The following ZNF66 variants were observed in gnomAD, a reference collection of about 807,000 sequenced individuals.
The protein encoded by ZNF66 is putative zinc finger protein 66.
A neutral mutation model predicts 35.2 loss-of-function variants in ZNF66; 32 were observed. The ratio of observed to expected loss-of-function variants is 0.91; its 90% CI spans 0.69 to 1.22. The LOEUF (loss-of-function observed/expected upper bound fraction) is 1.22. Ranked by LOEUF, ZNF66 falls within the 50% of genes most tolerant of loss-of-function variation. The pLI is 0.00. For missense variants in ZNF66, 666 were observed against 543.1 expected (o/e 1.23, Z -2.25); for synonymous variants, 231 against 181.3 (o/e 1.27, Z -2.20).
intron 1 of ZNF66, among the ~76,000 whole-genome samples, chr19:20,777,933 TGAG>T (rs750204587): frequency 1.3e-5 from 2 of 152,206 alleles, no homozygotes; most frequent in Non-Finnish European, 2.9e-5. Context: ...GGTAGATAAT[TGAG>T]GAGTTACATG....
At chr19:20,787,819 A>G (rs1971301531) in intron 1 of ZNF66, among the ~76,000 whole-genome samples, 1 of 152,208 alleles carries the variant, frequency 6.6e-6, no homozygotes, top group Non-Finnish European at 1.5e-5. Flanking sequence ...CCCATGAGCT[A>G]GCAAATCAGA....
chr19:20,784,570 G>T (rs1302055864), intron 1 of ZNF66: 1 of 152,088 alleles, frequency 6.6e-6, no homozygotes, highest in Admixed American at 6.5e-5. Context: ...TCCACTATAC[G>T]AACACAATCA....
chr19:20,781,549 G>A (rs1318639640), intron 1 of ZNF66, among the ~76,000 whole-genome samples: 2 of 147,334 alleles, frequency 1.4e-5, no homozygotes, highest in Non-Finnish European at 3.0e-5. Flanking sequence ...TACTCTTGTT[G>A]CCCAGGCTGG....
At position 20,806,587 on chromosome 19, in the gene ZNF66, T is replaced by C; in HGVS notation, c.987T>C (p.Thr329=). ...CCTTCAACTGGTCCTCACACCTTAC[T>C]ACACATAAGAGAATTCATACTGGAG... ...GKAFNWSSHL[T]THKRIHTGEK... is the part of the protein sequence containing the mutation. The change falls in exon 4 of 4, where the codon ACT becomes ACC. Residue 329 remains threonine, a synonymous_variant. Coordinates refer to ENST00000344519, the MANE Select transcript of ZNF66 (RefSeq NM_001355197.2). 1 of 1,593,590 alleles carries C rather than the reference T, an allele frequency of 6.3e-7. No individual in the cohort carries two copies. The highest frequency in any genetic ancestry group is 8.6e-7 in the Non-Finnish European group (1 of 1,162,484).
chr19:20,804,510 G>A (rs936010308), intron 3 of ZNF66, among the ~76,000 whole-genome samples: 2 of 152,118 alleles, frequency 1.3e-5, no homozygotes, highest in African/African-American at 4.8e-5. Context: ...CTCTCAAAGT[G>A]CTGGGATTAC....
In ZNF66 at chr19:20,792,549, C is replaced by A; in HGVS notation, c.41C>A (p.Ser14Tyr). ...LQFRDVAIEF[S>Y]LEEWHCLDMA... ...TTTAGAGATGTGGCCATAGAATTCT[C>A]TCTGGAGGAGTGGCATTGCCTGGAC... is the stretch of plus-strand genomic sequence containing the variant. The change falls in exon 2 of 4, where the codon TCT (serine) becomes TAT (tyrosine). Residue 14 changes from serine to tyrosine, a missense_variant. Physicochemically the swap from Ser to Tyr is moderately radical, Grantham distance 144. Transcript: ENST00000344519. 6.5e-7 allele frequency: 1 copy of A among 1,530,326 alleles called. No individual in the cohort carries two copies. The highest frequency in any genetic ancestry group is 1.1e-5 in the South Asian group (1 of 88,216). 94.8% of individuals were successfully genotyped at this position (1,530,326 alleles called of 1,614,324 possible).
At chr19:20,779,612 T>TGAG (rs1172909013) in intron 1 of ZNF66, among the ~76,000 whole-genome samples, 1 of 152,128 alleles carries the variant, frequency 6.6e-6, no homozygotes, top group Non-Finnish European at 1.5e-5. Context: ...TCGGATCACC[T>TGAG]GAGGACAGGT....
At chr19:20,789,003 A>G (rs1329388890) in intron 1 of ZNF66, among the ~76,000 whole-genome samples, 3 of 152,052 alleles carry the variant, frequency 2.0e-5, no homozygotes, top group African/African-American at 4.8e-5. Context: ...GTGAGCTGAA[A>G]TGGCACCACT....
Position 20,809,148 on chromosome 19 carries a change from G to GAAAC in ZNF66, c.*1830_*1833dup, listed in dbSNP as rs555623479. Among the ~76,000 whole-genome samples, 14,023 of 151,696 alleles carry GAAAC rather than the reference G, an allele frequency of 0.092. 662 individuals carry two copies. The highest frequency in any genetic ancestry group is 0.11 in the Middle Eastern group (33 of 294). ...AAGTTTAGAGAAAAAAAATTAAAAA[G>GAAAC]AAACAAAGTCTCCAAGAAATATGGG... On this transcript the variant is annotated 3_prime_UTR_variant, in exon 4 of 4. Transcript: ENST00000344519.
At chr19:20,782,232 A>C (rs1462424182) in intron 1 of ZNF66, among the ~76,000 whole-genome samples, 3 of 152,228 alleles carry the variant, frequency 2.0e-5, no homozygotes, top group Non-Finnish European at 2.9e-5. Flanking sequence ...GGCATGGGCC[A>C]CCGCTTCTGA....
In ZNF66 at chr19:20,792,060, A is replaced by G. The variant is rs1040038000; in HGVS notation, c.4-452A>G. 5.6e-4 allele frequency among the ~76,000 whole-genome samples: 85 copies of G among 152,158 alleles called. 1 individual carries two copies. The highest frequency in any genetic ancestry group is 2.0e-3 in the African/African-American group (83 of 41,410). ...TTGACAAAATATTCTTCTTGGGCCAAAAACATTGACATTATTGGTTAGCTT... is the reference window on the plus strand; with the variant it reads ...TTGACAAAATATTCTTCTTGGGCCAGAAACATTGACATTATTGGTTAGCTT... On this transcript the variant is annotated intron_variant, in intron 1 of 3. Transcript: ENST00000344519.
chr19:20,809,885 C>G lies in ZNF66; in HGVS notation c.*2563C>G, dbSNP rs1971572378. 6.6e-6 allele frequency among the ~76,000 whole-genome samples: 1 copy of G among 152,104 alleles called. No individual in the cohort carries two copies. The highest frequency in any genetic ancestry group is 6.6e-5 in the Admixed American group (1 of 15,258). Reference sequence around the variant, plus strand: ...GCTCCAATTAAAAGACACAGACAGGCAAATTGGATAAATAGTCAAGACCCA... The same window carrying G: ...GCTCCAATTAAAAGACACAGACAGGGAAATTGGATAAATAGTCAAGACCCA... On this transcript the variant is annotated 3_prime_UTR_variant, in exon 4 of 4. Transcript: ENST00000344519.
rs1423662510 is a variant in ZNF66, at chr19:20,808,366, G to A, written c.*1044G>A. Among the ~76,000 whole-genome samples the A allele has an allele frequency of 3.9e-5, 6 of 152,334 alleles. No homozygotes were observed. Among genetic ancestry groups the A allele is most frequent in the East Asian group, 1.9e-4 (1 of 5,186 alleles). ...AAGAGAGTAGTGGTTCTCCCAGCAC[G>A]CAGCTGGAGATCTGAGAACGGGCAG... On this transcript the variant is annotated 3_prime_UTR_variant, in exon 4 of 4. Transcript: ENST00000344519.
In ZNF66 at chr19:20,806,187, C is replaced by T. The variant is rs1385455677; in HGVS notation, c.587C>T (p.Thr196Ile). The change falls in exon 4 of 4, where the codon ACT (threonine) becomes ATT (isoleucine). Residue 196 changes from threonine (T) to isoleucine (I), a missense_variant. By Grantham distance (89) the Thr-to-Ile change is moderately conservative. Coordinates refer to ENST00000344519, the MANE Select transcript of ZNF66 (RefSeq NM_001355197.2). ...TTTACTACACATAAGAAAATTCATACTGGAGAGAAACCCTATAAATGTATA... is the reference window on the plus strand; with the variant it reads ...TTTACTACACATAAGAAAATTCATATTGGAGAGAAACCCTATAAATGTATA... ...STFTTHKKIHTGEKPYKCIEC... is the reference protein window; with the variant it reads ...STFTTHKKIHIGEKPYKCIEC... The T allele has an allele frequency of 7.6e-7, 1 of 1,322,164 alleles. No individual in the cohort carries two copies. Among genetic ancestry groups the T allele is most frequent in the Admixed American group, 1.7e-5 (1 of 59,148 alleles). The allele number at this position is 1,322,164 out of a possible 1,614,324, so 81.9% of individuals were successfully genotyped here.
Position 20,809,090 on chromosome 19 carries a change from G to A in ZNF66, c.*1768G>A, listed in dbSNP as rs1971559538. On this transcript the variant is annotated 3_prime_UTR_variant, in exon 4 of 4. Transcript: ENST00000344519. Reference sequence around the variant, plus strand: ...ACTGGAAGAAAGGGTATCAGTGATGGAAGATGAAATGAATGAAATGAAGTG... The same window carrying A: ...ACTGGAAGAAAGGGTATCAGTGATGAAAGATGAAATGAATGAAATGAAGTG... Among the ~76,000 whole-genome samples, 1 of 152,102 alleles carries A rather than the reference G, an allele frequency of 6.6e-6. No individual in the cohort carries two copies. The highest frequency in any genetic ancestry group is 1.5e-5 in the Non-Finnish European group (1 of 68,032).
At chr19:20,792,869 AC>A (rs1470999055) in intron 2 of ZNF66, among the ~76,000 whole-genome samples, 2 of 151,928 alleles carry the variant, frequency 1.3e-5, no homozygotes, top group African/African-American at 4.8e-5. Context: ...GGAGTTTGAG[AC>A]CAGCTGGCCA....
Position 20,809,349 on chromosome 19 carries a change from G to A in ZNF66, c.*2027G>A, listed in dbSNP as rs1291556228. Among the ~76,000 whole-genome samples, 2 of 151,926 alleles carry A rather than the reference G, an allele frequency of 1.3e-5. No individual in the cohort carries two copies. Among genetic ancestry groups the A allele is most frequent in the African/African-American group, 4.8e-5 (2 of 41,350 alleles). ...AGAGAACGCCACAAAGATACTCCTT[G>A]AGAAGAGCAACTCCAAGACACATAA... On this transcript the variant is annotated 3_prime_UTR_variant, in exon 4 of 4. Transcript: ENST00000344519.
chr19:20,783,457 C>G (rs1211548535), intron 1 of ZNF66, among the ~76,000 whole-genome samples: 1 of 152,082 alleles, frequency 6.6e-6, no homozygotes, highest in African/African-American at 2.4e-5. Flanking sequence ...TTTTATGACT[C>G]CAGATTATCT....
At chr19:20,790,809 G>A (rs188814796) in intron 1 of ZNF66, among the ~76,000 whole-genome samples, 6 of 151,984 alleles carry the variant, frequency 3.9e-5, no homozygotes, top group African/African-American at 1.4e-4. Flanking sequence ...TGTCCACTCT[G>A]CCTCCTGGAA....
Sources: gnomAD v4.1 joint callset for allele counts (sites outside exome capture counted in the v4.1 genomes callset) on GRCh38, gnomAD v4.1.1 for gene constraint, MANE v1.5 for transcripts, NCBI Gene and HGNC (gene_info 2026-07-23, HGNC 2026-07-21) for gene names.